Variants in CASZ1 observed in about 807,000 individuals in gnomAD.
CASZ1 encodes the protein castor zinc finger 1.
In CASZ1, 28 loss-of-function variants were observed where a neutral mutation model predicts 135.2. The observed-to-expected ratio is 0.21, with a 90% CI of 0.15 to 0.28. The LOEUF (loss-of-function observed/expected upper bound fraction) is 0.28, where lower values mean the gene tolerates loss of function less well. Among genes scored for constraint, CASZ1 ranks in the 10% least tolerant of loss-of-function variants. The pLI is 1.00. For synonymous variants in CASZ1, 1,068 were observed against 1,073.4 expected (o/e 0.99, Z 0.10); for missense variants, 2,161 against 2,453.3 (o/e 0.88, Z 2.52).
At chr1:10,664,357 C>G (rs552215799) in intron 5 of CASZ1, among the ~76,000 whole-genome samples, 1 of 151,146 alleles carries the variant, frequency 6.6e-6, no homozygotes, top group African/African-American at 2.4e-5. Flanking sequence ...CTCCCCTGAG[C>G]AGAAGGCGCG....
intron 13 of CASZ1, 121 bp downstream of exon 13, chr1:10,650,571 T>C (rs982550979): frequency 5.3e-6 from 4 of 754,818 alleles, no homozygotes; most frequent in Non-Finnish European, 6.8e-6. Context: ...AAAATTTAAA[T>C]GGTACAAACT....
rs1639056323 is a variant in CASZ1, at chr1:10,701,351, C to T, written c.-24+4141G>A. Among the ~76,000 whole-genome samples, 21 of 152,234 alleles carry T rather than the reference C, an allele frequency of 1.4e-4. No homozygotes were observed. The highest frequency in any genetic ancestry group is 1.4e-3 in the Admixed American group (21 of 15,288). ...AGCAGACCGTGAATTCACCTTCATA[C>T]TAGTTACAGGGTTATTTAGCTTCTC... On this transcript the variant is annotated intron_variant, in intron 3 of 20. Coordinates refer to ENST00000377022, the MANE Select transcript of CASZ1 (RefSeq NM_001079843.3). The surrounding 1 kb of genome is among the most constrained non-coding windows in gnomAD (Gnocchi z 6.3).
At position 10,707,392 on chromosome 1, in the gene CASZ1, C is replaced by T. The variant is rs1025042504; in HGVS notation, c.-76-1848G>A. 1.3e-5 allele frequency among the ~76,000 whole-genome samples: 2 copies of T among 152,204 alleles called. No individual in the cohort carries two copies. Among genetic ancestry groups the T allele is most frequent in the Non-Finnish European group, 2.9e-5 (2 of 68,046 alleles). On this transcript the variant is annotated intron_variant, in intron 2 of 20. Coordinates refer to ENST00000377022, the MANE Select transcript of CASZ1 (RefSeq NM_001079843.3). This position sits in a 1 kb window ranked among gnomAD's most constrained non-coding sequence, Gnocchi z 5.0. ...CCTGTTTTCTGACAACAAGGGAGCG[C>T]GGGAGACCGGAGCGCTGAACCCAAA...
intron 1 of CASZ1, among the ~76,000 whole-genome samples, chr1:10,793,157 AACTG>A (rs1640994104): frequency 2.6e-5 from 4 of 151,962 alleles, no homozygotes; most frequent in Admixed American, 2.6e-4. Context: ...TTTCATATTT[AACTG>A]ACTTTCTTAT....
chr1:10,738,628 C>T (rs1639847135), intron 2 of CASZ1, among the ~76,000 whole-genome samples: 1 of 152,220 alleles, frequency 6.6e-6, no homozygotes, highest in Admixed American at 6.5e-5. Flanking sequence ...TTCAGAGAGG[C>T]AGGGCCTCGA....
At chr1:10,781,250 G>C (rs1336030663) in intron 1 of CASZ1, among the ~76,000 whole-genome samples, 3 of 152,178 alleles carry the variant, frequency 2.0e-5, no homozygotes, top group Non-Finnish European at 4.4e-5. Context: ...GCAGCACACA[G>C]GCCTTGTGCA....
intron 4 of CASZ1, among the ~76,000 whole-genome samples, chr1:10,669,155 G>A (rs572712805): frequency 6.6e-6 from 1 of 152,322 alleles, no homozygotes; most frequent in African/African-American, 2.4e-5. Flanking sequence ...CGGCCCAGCG[G>A]AGCCGGCACT....
chr1:10,753,408 C>T (rs1276634419), intron 2 of CASZ1, among the ~76,000 whole-genome samples: 1 of 152,226 alleles, frequency 6.6e-6, no homozygotes, highest in African/African-American at 2.4e-5. Flanking sequence ...CACAGCTCAC[C>T]TGCGGGGGTC....
rs576830288 is a variant in CASZ1 at position 10,659,268 on chromosome 1, T to G, written c.1340+434A>C. 6.6e-5 allele frequency among the ~76,000 whole-genome samples: 10 copies of G among 152,282 alleles called. No homozygotes were observed. In the East Asian group the frequency reaches 1.5e-3, roughly 24 times the overall value. Reference sequence around the variant, plus strand: ...GCGCCTTCTCAGCCAACCACAGGCCTGCATTCAGCACCCATGGCAGCAGGT... The same window carrying G: ...GCGCCTTCTCAGCCAACCACAGGCCGGCATTCAGCACCCATGGCAGCAGGT... On this transcript the variant is annotated intron_variant, in intron 6 of 20. Transcript: ENST00000377022.
At chr1:10,771,949 C>T (rs550862327) in intron 1 of CASZ1, among the ~76,000 whole-genome samples, 22 of 152,288 alleles carry the variant, frequency 1.4e-4, no homozygotes, top group Admixed American at 8.5e-4. Flanking sequence ...AAGCCCCTCT[C>T]GGCCGGCCCC....
chr1:10,662,300 A>C (rs1337686544), intron 5 of CASZ1, among the ~76,000 whole-genome samples: 1 of 97,728 alleles, frequency 1.0e-5, no homozygotes, highest in Non-Finnish European at 2.0e-5. Flanking sequence ...CAACACACAC[A>C]TACATTGACA....
chr1:10,760,674 G>C (rs555848133), intron 2 of CASZ1, 27 bp downstream of exon 2: 1 of 152,382 alleles, frequency 6.6e-6, no homozygotes, highest in Admixed American at 6.5e-5. Flanking sequence ...ACTTCCTAGT[G>C]GCATCTTGGG....
chr1:10,745,396 A>G (rs886278992), intron 2 of CASZ1, among the ~76,000 whole-genome samples: 2 of 120,182 alleles, frequency 1.7e-5, no homozygotes, highest in African/African-American at 9.2e-5. Flanking sequence ...TACCAGGGAC[A>G]CGAACACAGA....
At chr1:10,659,585 T>TCGCC in intron 6 of CASZ1, 117 bp downstream of exon 6, 6 of 750,368 alleles carry the variant, frequency 8.0e-6, no homozygotes, top group East Asian at 2.5e-5. Context: ...ACAGTGGATG[T>TCGCC]GTATAAGGTG....
chr1:10,655,500 C>T (rs535317143), intron 9 of CASZ1, 149 bp downstream of exon 9: 38 of 786,278 alleles, frequency 4.8e-5, no homozygotes, highest in Non-Finnish European at 6.5e-5. Flanking sequence ...CGCTGGCCAT[C>T]CCTGTGCTGG....
intron 15 of CASZ1, chr1:10,648,457 C>T (rs914118912): frequency 2.5e-5 from 8 of 315,258 alleles, no homozygotes; most frequent in African/African-American, 1.1e-4. Context: ...AGAACCTGCT[C>T]GGAGGTCTTA....
chr1:10,647,548 C>T lies in CASZ1; in HGVS notation c.3497+253G>A. 7.2e-7 allele frequency: 1 copy of T among 1,387,296 alleles called. No individual in the cohort carries two copies. Among genetic ancestry groups the T allele is most frequent in the East Asian group, 2.8e-5 (1 of 35,606 alleles). 85.9% of individuals were successfully genotyped at this position (1,387,296 alleles called of 1,614,324 possible). A position where few individuals can be genotyped will look rare whatever the true frequency, so the allele number is the denominator to read the frequency against. On this transcript the variant is annotated intron_variant, in intron 16 of 20. Coordinates refer to ENST00000377022, the MANE Select transcript of CASZ1 (RefSeq NM_001079843.3). The surrounding 1 kb of genome is among the most constrained non-coding windows in gnomAD (Gnocchi z 4.9). ...CCCCACCTGGCCCTGGCAGGATCAC[C>T]ACATGCCCTGCAGGAGCAGTAGCCA...
At chr1:10,698,940 GA>G (rs1267597510) in intron 3 of CASZ1, among the ~76,000 whole-genome samples, 10 of 152,214 alleles carry the variant, frequency 6.6e-5, no homozygotes, top group African/African-American at 2.4e-4. Context: ...GACCGGACCG[GA>G]GGCAGCCAGC....
intron 2 of CASZ1, among the ~76,000 whole-genome samples, chr1:10,754,330 T>C (rs1458138808): frequency 6.6e-6 from 1 of 152,202 alleles, no homozygotes; most frequent in South Asian, 2.1e-4. Flanking sequence ...GTAAACCTCA[T>C]GAGGGCAGGA....
Sources: allele counts gnomAD v4.1 joint callset (sites outside exome capture counted in the v4.1 genomes callset), GRCh38; gene constraint gnomAD v4.1.1; non-coding constraint Gnocchi (gnomAD v3.1); transcripts MANE v1.5; gene names NCBI Gene and HGNC (gene_info 2026-07-23, HGNC 2026-07-21).